Variants in SCFD1 observed in about 807,000 individuals in gnomAD.
The protein encoded by SCFD1 is sec1 family domain-containing protein 1.
SCFD1 carries 37 observed loss-of-function variants against 103.2 expected under a neutral mutation model. That is an observed-to-expected ratio of 0.36 (90% CI 0.28 to 0.47). The LOEUF (loss-of-function observed/expected upper bound fraction) is 0.47, where lower values mean the gene tolerates loss of function less well. Ranked by LOEUF, SCFD1 falls within the 20% of genes least tolerant of loss-of-function variation. The pLI is 1.00. For missense variants in SCFD1, 639 were observed against 761.2 expected (o/e 0.84, Z 1.89); for synonymous variants, 264 against 245.0 (o/e 1.08, Z -0.73).
intron 18 of SCFD1, 108 bp downstream of exon 18, chr14:30,705,993 A>G: frequency 1.2e-6 from 1 of 833,414 alleles, no homozygotes; most frequent in Non-Finnish European, 1.9e-6. Flanking sequence ...AAATGTCACC[A>G]TGCCTTTGGT....
Position 30,700,266 on chromosome 14 carries a change from C to CT in SCFD1, c.1410+11dup. 1 of 1,561,958 alleles carries CT rather than the reference C, an allele frequency of 6.4e-7. No individual in the cohort carries two copies. Among genetic ancestry groups the CT allele is most frequent in the Non-Finnish European group, 8.8e-7 (1 of 1,134,574 alleles). On this transcript the variant is annotated intron_variant, in intron 16 of 24. Coordinates refer to ENST00000458591, the MANE Select transcript of SCFD1 (RefSeq NM_016106.4). ...CAGCAAGCACCTTCTGAGGTATGTC[C>CT]TTTATTCAGTTATTGGGAGGAAGGG...
chr14:30,667,708 T>C (rs1888131556), intron 10 of SCFD1, among the ~76,000 whole-genome samples: 1 of 152,220 alleles, frequency 6.6e-6, no homozygotes, highest in Admixed American at 6.5e-5. Flanking sequence ...TTCAGCAAAG[T>C]CTCAGGATAC....
At chr14:30,644,181 T>G (rs1172565901) in intron 7 of SCFD1, among the ~76,000 whole-genome samples, 1 of 152,244 alleles carries the variant, frequency 6.6e-6, no homozygotes, top group Non-Finnish European at 1.5e-5. Context: ...ATGATTTCAC[T>G]CTTTTTTTAT....
intron 20 of SCFD1, among the ~76,000 whole-genome samples, chr14:30,717,969 T>C: frequency 6.6e-6 from 1 of 152,130 alleles, no homozygotes; most frequent in East Asian, 1.9e-4. Context: ...AGTACTAGTA[T>C]TATTATTTTC....
chr14:30,622,488 C>A, intron 1 of SCFD1, 89 bp downstream of exon 1: 1 of 1,503,700 alleles, frequency 6.7e-7, no homozygotes. Flanking sequence ...AGACCGATCT[C>A]CAGGAGTTTA....
At position 30,634,134 on chromosome 14, in the gene SCFD1, C is replaced by G. The variant is rs555756872; in HGVS notation, c.312+97C>G. 4.8e-5 allele frequency: 31 copies of G among 639,816 alleles called. No homozygotes were observed. The Admixed American group carries it at 7.5e-4, about 16-fold the overall frequency. 39.6% of individuals were successfully genotyped at this position (639,816 alleles called of 1,614,324 possible). A position where few individuals can be genotyped will look rare whatever the true frequency, so the allele number is the denominator to read the frequency against. ...TGTCCAGGGTGAAAAATCAGAAATT[C>G]CTATGCCTACTTTCTCACTCTGATT... On this transcript the variant is annotated intron_variant, in intron 4 of 24. Coordinates refer to ENST00000458591, the MANE Select transcript of SCFD1 (RefSeq NM_016106.4).
chr14:30,671,477 T>G (rs935509224), intron 11 of SCFD1, among the ~76,000 whole-genome samples: 1 of 152,140 alleles, frequency 6.6e-6, no homozygotes, highest in African/African-American at 2.4e-5. Flanking sequence ...AAGTTGGCAT[T>G]CCCTAATAGA....
chr14:30,698,893 CTGAGA>C (rs1488918197), intron 15 of SCFD1, among the ~76,000 whole-genome samples: 1 of 152,160 alleles, frequency 6.6e-6, no homozygotes, highest in Non-Finnish European at 1.5e-5. Context: ...ATTTCAAAGA[CTGAGA>C]GGGGAAGAGC....
At chr14:30,646,164 A>G (rs1012591354) in intron 7 of SCFD1, among the ~76,000 whole-genome samples, 1 of 152,172 alleles carries the variant, frequency 6.6e-6, no homozygotes. Context: ...CTGGGACTAC[A>G]GGCACATGCC....
chr14:30,691,684 C>G (rs1034290738), intron 14 of SCFD1, among the ~76,000 whole-genome samples: 1 of 152,120 alleles, frequency 6.6e-6, no homozygotes, highest in Non-Finnish European at 1.5e-5. Context: ...AGAGTTGTTG[C>G]AACCACAATC....
At chr14:30,670,934 A>G (rs919920863) in intron 11 of SCFD1, among the ~76,000 whole-genome samples, 9 of 152,152 alleles carry the variant, frequency 5.9e-5, no homozygotes, top group African/African-American at 2.2e-4. Flanking sequence ...CTTAAAGTTT[A>G]GGGTACTTCA....
At chr14:30,665,131 G>A (rs1311768169) in intron 10 of SCFD1, among the ~76,000 whole-genome samples, 3 of 152,202 alleles carry the variant, frequency 2.0e-5, no homozygotes, top group Non-Finnish European at 4.4e-5. Flanking sequence ...AATGTTAAGG[G>A]CAGCCAGAGA....
chr14:30,656,834 G>A (rs1041874819), intron 10 of SCFD1, among the ~76,000 whole-genome samples: 8 of 152,118 alleles, frequency 5.3e-5, no homozygotes, highest in Admixed American at 3.3e-4. Context: ...AGTTTAGAGA[G>A]GATGTTCAGA....
In SCFD1 at chr14:30,622,363, G is replaced by A. The variant is rs1424125937; in HGVS notation, c.25G>A (p.Ala9Thr). 2.6e-6 allele frequency: 4 copies of A among 1,545,772 alleles called. No homozygotes were observed. The highest frequency in any genetic ancestry group is 2.4e-5 in the South Asian group (2 of 83,746). MAAAAAAT[A>T]AAAASIRERQ... ...GATGGCGGCGGCGGCGGCAGCGACA[G>A]CAGCAGCAGCAGCCAGTATTCGGGA... The change falls in exon 1 of 25, where the codon GCA becomes ACA. Residue 9 changes from alanine to threonine, a missense_variant. Physicochemically the swap from Ala to Thr is moderately conservative, Grantham distance 58. Transcript: ENST00000458591.
chr14:30,708,602 AGTAC>A (rs1345179651), intron 19 of SCFD1, among the ~76,000 whole-genome samples: 1 of 152,328 alleles, frequency 6.6e-6, no homozygotes, highest in East Asian at 1.9e-4. Flanking sequence ...GGTTGTTGAA[AGTAC>A]GTTAATTGAA....
chr14:30,728,021 C>G (rs1166803484), intron 23 of SCFD1, among the ~76,000 whole-genome samples: 1 of 152,178 alleles, frequency 6.6e-6, no homozygotes, highest in Non-Finnish European at 1.5e-5. Context: ...GATCCGTCTT[C>G]CTGAGCTTGT....
At chr14:30,724,013 G>C (rs1594767474) in intron 23 of SCFD1, among the ~76,000 whole-genome samples, 1 of 41,648 alleles carries the variant, frequency 2.4e-5, no homozygotes, top group African/African-American at 5.9e-4. Flanking sequence ...TACTCCCATC[G>C]TGTTCCAAAA....
At position 30,622,344 on chromosome 14, in the gene SCFD1, G is replaced by A; in HGVS notation, c.6G>A (p.Ala2=). Residue 2 remains alanine, a synonymous_variant, in exon 1 of 25, where the codon GCG becomes GCA. Transcript: ENST00000458591. M[A]AAAAATAAAA... ...AGTGGCTCGTGGGAGCCAAGATGGC[G>A]GCGGCGGCGGCAGCGACAGCAGCAG... The A allele has an allele frequency of 6.4e-7, 1 of 1,572,390 alleles. No homozygotes were observed. Among genetic ancestry groups the A allele is most frequent in the Non-Finnish European group, 8.6e-7 (1 of 1,159,654 alleles).
chr14:30,646,836 C>G (rs1378114966), intron 7 of SCFD1, among the ~76,000 whole-genome samples: 3 of 152,038 alleles, frequency 2.0e-5, no homozygotes, highest in Admixed American at 1.3e-4. Flanking sequence ...CTTGTTAAAC[C>G]TTGGCAGGTT....
Sources: gnomAD v4.1 joint callset for allele counts (sites outside exome capture counted in the v4.1 genomes callset) on GRCh38, gnomAD v4.1.1 for gene constraint, MANE v1.5 for transcripts, NCBI Gene and HGNC (gene_info 2026-07-23, HGNC 2026-07-21) for gene names.